DSTN: variants seen among roughly 807,000 people sequenced by gnomAD.
DSTN encodes destrin.
Under a neutral mutation model 16.8 loss-of-function variants are expected in DSTN, and 10 were observed. That is an observed-to-expected ratio of 0.60 (90% CI 0.37 to 1.01). The LOEUF is 1.01. Among genes scored for constraint, DSTN ranks in the 50% least tolerant of loss-of-function variants. The pLI is 0.01. For missense variants in DSTN, 141 were observed against 196.7 expected, an observed-to-expected ratio of 0.72 and a Z score of 1.69; for synonymous variants, 57 against 58.9, an observed-to-expected ratio of 0.97 and a Z score of 0.14.
At chr20:17,594,136 A>G (rs940246755) in intron 1 of DSTN, among the ~76,000 whole-genome samples, 1 of 150,516 alleles carries the variant, frequency 6.6e-6, no homozygotes, top group African/African-American at 2.5e-5. Flanking sequence ...TTTTACCTTC[A>G]GATCAATGGA....
In DSTN at chr20:17,570,113, C is replaced by T. The variant is rs2035178227; in HGVS notation, c.-96C>T. 1.1e-5 allele frequency: 17 copies of T among 1,499,946 alleles called. No homozygotes were observed. Among genetic ancestry groups the T allele is most frequent in the Admixed American group, 6.2e-5 (3 of 48,020 alleles). The allele number at this position is 1,499,946 out of a possible 1,614,324, so 92.9% of individuals were successfully genotyped here. ...CTCGCGCCGCCGCGTCAGCTCAGCG[C>T]TGGGTCTCTCGGTCCCGCAGCCGTG... On this transcript the variant is annotated 5_prime_UTR_variant, in exon 1 of 4. Transcript: ENST00000246069.
At chr20:17,570,496 C>A (rs556881527) in intron 1 of DSTN, among the ~76,000 whole-genome samples, 29 of 152,314 alleles carry the variant, frequency 1.9e-4, no homozygotes, top group African/African-American at 6.5e-4. Flanking sequence ...TCTCCAGACC[C>A]GGCCTTGCAA....
At chr20:17,579,732 A>G (rs1217477458) in intron 1 of DSTN, among the ~76,000 whole-genome samples, 1 of 152,216 alleles carries the variant, frequency 6.6e-6, no homozygotes, top group Non-Finnish European at 1.5e-5. Context: ...CATTTATTTA[A>G]CTCATTAAAA....
chr20:17,574,747 AT>A (rs71192395), intron 1 of DSTN, among the ~76,000 whole-genome samples: 35,404 of 123,382 alleles, frequency 0.29, 7,074 homozygotes, highest in Non-Finnish European at 0.43. Flanking sequence ...AAAAAAAAAA[AT>A]TAAAAGTCTA....
chr20:17,570,106 C>G lies in DSTN; in HGVS notation c.-103C>G, dbSNP rs1240883776. The stretch of plus-strand genomic sequence containing the variant: ...GGGTAAGCTCGCGCCGCCGCGTCAG[C>G]TCAGCGCTGGGTCTCTCGGTCCCGC... On this transcript the variant is annotated 5_prime_UTR_variant, in exon 1 of 4. Coordinates refer to ENST00000246069, the MANE Select transcript of DSTN (RefSeq NM_006870.4). The G allele has an allele frequency of 6.7e-7, 1 of 1,488,748 alleles. No homozygotes were observed. The highest frequency in any genetic ancestry group is 8.9e-7 in the Non-Finnish European group (1 of 1,122,610). The allele number at this position is 1,488,748 out of a possible 1,614,324, so 92.2% of individuals were successfully genotyped here. A position where few individuals can be genotyped will look rare whatever the true frequency, so the allele number is the denominator to read the frequency against.
At chr20:17,601,239 T>C (rs2122205981) in intron 2 of DSTN, among the ~76,000 whole-genome samples, 194 bp downstream of exon 2, 1 of 151,454 alleles carries the variant, frequency 6.6e-6, no homozygotes, top group African/African-American at 2.4e-5. Flanking sequence ...ATTTTCTATC[T>C]ACTTGTTATG....
At chr20:17,593,608 G>A (rs73898342) in intron 1 of DSTN, among the ~76,000 whole-genome samples, 14,119 of 152,252 alleles carry the variant, frequency 0.093, 1,212 homozygotes, top group African/African-American at 0.23. Context: ...GACATCTAAA[G>A]AGTATTAGCC....
intron 1 of DSTN, chr20:17,596,789 T>A (rs1181067434): frequency 1.0e-6 from 1 of 985,346 alleles, no homozygotes; most frequent in African/African-American, 1.7e-5. Context: ...TTTAAGGAGC[T>A]TGTAAGTTAC....
At chr20:17,571,481 T>G (rs1172805084) in intron 1 of DSTN, among the ~76,000 whole-genome samples, 1 of 152,248 alleles carries the variant, frequency 6.6e-6, no homozygotes, top group Non-Finnish European at 1.5e-5. Flanking sequence ...CAGTTTTTGG[T>G]TCTTCTTTGG....
At chr20:17,573,210 TAATC>T (rs1365740759) in intron 1 of DSTN, among the ~76,000 whole-genome samples, 1 of 152,246 alleles carries the variant, frequency 6.6e-6, no homozygotes, top group Non-Finnish European at 1.5e-5. Context: ...TTTAGCTACT[TAATC>T]ATTCATATGT....
At chr20:17,586,716 G>A (rs546935045) in intron 1 of DSTN, among the ~76,000 whole-genome samples, 47 of 152,288 alleles carry the variant, frequency 3.1e-4, no homozygotes, top group Non-Finnish European at 5.6e-4. Context: ...TGGCTGCATT[G>A]TTAACTAGAA....
At chr20:17,573,955 G>A (rs1327157822) in intron 1 of DSTN, among the ~76,000 whole-genome samples, 3 of 150,754 alleles carry the variant, frequency 2.0e-5, no homozygotes, top group East Asian at 1.9e-4. Flanking sequence ...ATCCCAGCAC[G>A]TTGGGAGGTT....
At chr20:17,589,468 AT>A (rs1342781103) in intron 1 of DSTN, among the ~76,000 whole-genome samples, 4 of 152,150 alleles carry the variant, frequency 2.6e-5, no homozygotes, top group African/African-American at 9.7e-5. Context: ...GGCTCCCAAA[AT>A]TTTGGGATTA....
intron 1 of DSTN, among the ~76,000 whole-genome samples, chr20:17,587,727 G>T (rs2035426687): frequency 6.6e-6 from 1 of 151,942 alleles, no homozygotes. Flanking sequence ...CCTGATGACA[G>T]CAGGCATCAA....
intron 1 of DSTN, among the ~76,000 whole-genome samples, chr20:17,581,276 T>G (rs2035340934): frequency 6.6e-6 from 1 of 151,854 alleles, no homozygotes; most frequent in Non-Finnish European, 1.5e-5. Context: ...AGGCCAGGAG[T>G]TAAAGACTAC....
rs2035653274 is a variant in DSTN at position 17,607,337 on chromosome 20, A to T, written c.*191A>T. 2.1e-6 allele frequency: 1 copy of T among 470,962 alleles called. No individual in the cohort carries two copies. Among genetic ancestry groups the T allele is most frequent in the Admixed American group, 4.0e-5 (1 of 25,196 alleles). 29.2% of individuals were successfully genotyped at this position (470,962 alleles called of 1,614,324 possible). On this transcript the variant is annotated 3_prime_UTR_variant, in exon 4 of 4. Transcript: ENST00000246069. ...AAAGTCTAAAGTTTTATTGATGTGAAATTAAATTCTTATTGGCCAAATGCC... is the reference window on the plus strand; with the variant it reads ...AAAGTCTAAAGTTTTATTGATGTGATATTAAATTCTTATTGGCCAAATGCC...
intron 1 of DSTN, among the ~76,000 whole-genome samples, chr20:17,597,496 A>C (rs1409301639): frequency 6.6e-6 from 1 of 152,184 alleles, no homozygotes; most frequent in African/African-American, 2.4e-5. Context: ...ATGGGGGTAC[A>C]AGTGTAATTT....
At chr20:17,606,225 G>A (rs918005368) in intron 3 of DSTN, among the ~76,000 whole-genome samples, 2 of 152,160 alleles carry the variant, frequency 1.3e-5, no homozygotes, top group Non-Finnish European at 2.9e-5. Flanking sequence ...TCAGCAGCTT[G>A]AGAAATAATG....
At position 17,572,038 on chromosome 20, in the gene DSTN, A is replaced by T. The variant is rs569815970; in HGVS notation, c.3+1827A>T. On this transcript the variant is annotated intron_variant, in intron 1 of 3. Coordinates refer to ENST00000246069, the MANE Select transcript of DSTN (RefSeq NM_006870.4). ...AGGAGCATCTTTGTTTAGTTCAGTG[A>T]TTAGAGAATATTGTGGGTATTATCC... 5.3e-5 allele frequency among the ~76,000 whole-genome samples: 8 copies of T among 152,276 alleles called. No individual in the cohort carries two copies. In the South Asian group the frequency reaches 1.7e-3, roughly 32 times the overall value.
Sources: allele counts gnomAD v4.1 joint callset (sites outside exome capture counted in the v4.1 genomes callset), GRCh38; gene constraint gnomAD v4.1.1; transcripts MANE v1.5; gene names NCBI Gene and HGNC (gene_info 2026-07-23, HGNC 2026-07-21).